Variants in AADACL2 observed in about 807,000 individuals in gnomAD.
AADACL2 encodes arylacetamide deacetylase like 2.
In AADACL2, 23 loss-of-function variants were observed where a neutral mutation model predicts 22.3. The observed-to-expected ratio is 1.03, with a 90% confidence interval of 0.74 to 1.46. AADACL2 has a LOEUF of 1.46. AADACL2 is among the 40% of genes most tolerant of loss of function. The pLI is 0.00. For synonymous variants in AADACL2, 177 were observed against 166.2 expected, an observed-to-expected ratio of 1.07 and a Z score of -0.50; for missense variants, 472 against 482.9, an observed-to-expected ratio of 0.98 and a Z score of 0.21.
chr3:151,747,949 T>C (rs1420650326), intron 4 of AADACL2, among the ~76,000 whole-genome samples: 4 of 152,156 alleles, frequency 2.6e-5, no homozygotes, highest in Non-Finnish European at 5.9e-5. Flanking sequence ...CTATTTCCCA[T>C]TTTTTAAATT....
intron 2 of AADACL2, among the ~76,000 whole-genome samples, chr3:151,741,471 A>G (rs947621543): frequency 1.3e-5 from 2 of 152,166 alleles, no homozygotes; most frequent in Admixed American, 1.3e-4. Context: ...AGACACACAC[A>G]TAGTGAATGA....
intron 4 of AADACL2, among the ~76,000 whole-genome samples, chr3:151,746,995 C>G (rs1189598965): frequency 1.3e-5 from 2 of 151,874 alleles, no homozygotes; most frequent in Non-Finnish European, 2.9e-5. Flanking sequence ...CCTCTGCCAC[C>G]TGTCTTTGTC....
intron 4 of AADACL2, 113 bp from the exon 5 acceptor site, chr3:151,756,879 A>G (rs1337594927): frequency 1.2e-6 from 1 of 842,610 alleles, no homozygotes; most frequent in Admixed American, 3.5e-5. Context: ...ATTATGATAC[A>G]TCACATCAAT....
intron 1 of AADACL2, among the ~76,000 whole-genome samples, chr3:151,736,628 T>C (rs1184879043): frequency 6.6e-6 from 1 of 152,178 alleles, no homozygotes; most frequent in East Asian, 1.9e-4. Flanking sequence ...TCCAGCTCCA[T>C]CTATGTACCT....
intron 4 of AADACL2, among the ~76,000 whole-genome samples, chr3:151,752,095 T>A (rs1713692089): frequency 6.6e-6 from 1 of 152,098 alleles, no homozygotes; most frequent in African/African-American, 2.4e-5. Flanking sequence ...CTAAACTTTC[T>A]ATATGAATTA....
intron 2 of AADACL2, among the ~76,000 whole-genome samples, chr3:151,743,715 A>G (rs183735067): frequency 4.3e-4 from 66 of 152,346 alleles, no homozygotes; most frequent in African/African-American, 1.3e-3. Flanking sequence ...CAGAGTTCAC[A>G]TAAATGCAAG....
At chr3:151,743,971 G>C in intron 2 of AADACL2, 122 bp from the exon 3 acceptor site, 1 of 947,534 alleles carries the variant, frequency 1.1e-6, no homozygotes, top group Non-Finnish European at 1.6e-6. Context: ...TTGGAAATGG[G>C]GGGTGGAAAT....
At chr3:151,734,775 T>C (rs2107978889) in intron 1 of AADACL2, among the ~76,000 whole-genome samples, 1 of 152,342 alleles carries the variant, frequency 6.6e-6, no homozygotes, top group South Asian at 2.1e-4. Context: ...TAATATGTAC[T>C]TCCATTGATT....
At chr3:151,746,489 C>G (rs1190739399) in intron 4 of AADACL2, among the ~76,000 whole-genome samples, 1 of 150,866 alleles carries the variant, frequency 6.6e-6, no homozygotes, top group East Asian at 1.9e-4. Context: ...TCTGGGGCCT[C>G]TAGTAAAATA....
At chr3:151,748,667 C>G (rs1713542713) in intron 4 of AADACL2, among the ~76,000 whole-genome samples, 1 of 152,176 alleles carries the variant, frequency 6.6e-6, no homozygotes, top group Non-Finnish European at 1.5e-5. Context: ...CTCTTGCTTC[C>G]TTTCTTGCCA....
At chr3:151,734,541 A>T (rs1713030350) in intron 1 of AADACL2, among the ~76,000 whole-genome samples, 1 of 152,156 alleles carries the variant, frequency 6.6e-6, no homozygotes, top group African/African-American at 2.4e-5. Context: ...AGTTGTTTAG[A>T]TACACATTAT....
intron 1 of AADACL2, among the ~76,000 whole-genome samples, chr3:151,735,752 C>G (rs1183374761): frequency 6.6e-6 from 1 of 152,012 alleles, no homozygotes; most frequent in African/African-American, 2.4e-5. Context: ...AGCAAGACTC[C>G]TTCTCAAAAA....
At chr3:151,751,445 C>A (rs1176855566) in intron 4 of AADACL2, 1 of 152,152 alleles carries the variant, frequency 6.6e-6, no homozygotes, top group African/African-American at 2.4e-5. Flanking sequence ...TGGCTCACCT[C>A]TGTAGTCCCA....
At chr3:151,745,744 A>G in intron 4 of AADACL2, 64 bp downstream of exon 4, 1 of 1,479,280 alleles carries the variant, frequency 6.8e-7, no homozygotes, top group Non-Finnish European at 9.1e-7. Flanking sequence ...TCTATAGATA[A>G]TTCAGTTCTT....
chr3:151,747,340 T>C (rs1049466532), intron 4 of AADACL2, among the ~76,000 whole-genome samples: 3 of 152,082 alleles, frequency 2.0e-5, no homozygotes, highest in Non-Finnish European at 4.4e-5. Context: ...CCAGAACTTA[T>C]TCATCCTGCA....
rs576515390 is a variant in AADACL2 at position 151,746,171 on chromosome 3, A to C, written c.603+491A>C. Among the ~76,000 whole-genome samples the C allele has an allele frequency of 1.1e-4, 17 of 152,038 alleles. No homozygotes were observed. The South Asian group carries it at 3.5e-3, about 32-fold the overall frequency. On this transcript the variant is annotated intron_variant, in intron 4 of 4. Transcript: ENST00000356517. ...TAGAAATCATGGAAATCTTTTCTCA[A>C]ATTTTACCCTGAGGTATTTTTTAAA...
Position 151,734,166 on chromosome 3 carries a change from C to A in AADACL2, c.131C>A (p.Thr44Lys). The A allele has an allele frequency of 6.2e-7, 1 of 1,612,732 alleles. No individual in the cohort carries two copies. The highest frequency in any genetic ancestry group is 1.3e-5 in the African/African-American group (1 of 74,980). ...TTGGATGCCATCGCTAAAACTTGTA[C>A]ATTTACGGTAAGGTTAACATTTATT... Reference protein sequence around the residue: ...MALDAIAKTCTFTAMCFENMR... With the variant: ...MALDAIAKTCKFTAMCFENMR... Residue 44 changes from threonine (T) to lysine (K), a missense_variant, in exon 1 of 5, where the codon ACA becomes AAA. Coordinates refer to ENST00000356517, the MANE Select transcript of AADACL2 (RefSeq NM_207365.4).
chr3:151,736,644 G>A (rs1383940191), intron 1 of AADACL2, among the ~76,000 whole-genome samples: 1 of 152,082 alleles, frequency 6.6e-6, no homozygotes, highest in African/African-American at 2.4e-5. Context: ...TACCTGCAAA[G>A]GACATGAACT....
intron 1 of AADACL2, among the ~76,000 whole-genome samples, chr3:151,738,853 T>A (rs1383773356): frequency 6.6e-6 from 1 of 152,220 alleles, no homozygotes; most frequent in African/African-American, 2.4e-5. Flanking sequence ...ATCTGGTCAT[T>A]TATGTTCTTC....
Sources: allele counts gnomAD v4.1 joint callset (sites outside exome capture counted in the v4.1 genomes callset), GRCh38; gene constraint gnomAD v4.1.1; transcripts MANE v1.5; gene names NCBI Gene and HGNC (gene_info 2026-07-23, HGNC 2026-07-21).